The following KLRD1 variants were observed in gnomAD, a reference collection of about 807,000 sequenced individuals.
KLRD1 encodes the protein killer cell lectin like receptor D1.
KLRD1 carries 21 observed loss-of-function variants against 22.6 expected under a neutral mutation model. That is an observed-to-expected ratio of 0.93 (90% CI 0.66 to 1.34). The LOEUF is 1.34. KLRD1 is among the 40% of genes most tolerant of loss of function. The pLI is 0.00. For missense variants in KLRD1, 183 were observed against 208.6 expected (o/e 0.88, Z 0.76); for synonymous variants, 59 against 71.1 (o/e 0.83, Z 0.85).
chr12:10,282,268 T>C (rs902747105), intron 1 of KLRD1, among the ~76,000 whole-genome samples: 10 of 152,072 alleles, frequency 6.6e-5, no homozygotes, highest in Non-Finnish European at 4.4e-5. Flanking sequence ...ATTTTTTTTT[T>C]TTTTTGAGAC....
chr12:10,274,179 C>T (rs958869391), intron 1 of KLRD1, among the ~76,000 whole-genome samples: 1 of 152,054 alleles, frequency 6.6e-6, no homozygotes, highest in African/African-American at 2.4e-5. Context: ...ACTCAGGAGG[C>T]TGAGGCAGGA....
At chr12:10,267,183 A>G (rs1379976225) in intron 1 of KLRD1, among the ~76,000 whole-genome samples, 1 of 149,894 alleles carries the variant, frequency 6.7e-6, no homozygotes, top group Admixed American at 6.8e-5. Context: ...ACTTTTATGT[A>G]TAGTTTACAA....
rs1949212955 is a variant in KLRD1 at position 10,239,418 on chromosome 12, T to C, written c.-101+13185T>C. Among the ~76,000 whole-genome samples, 2 of 39,954 alleles carry C rather than the reference T, an allele frequency of 5.0e-5. 1 individual carries two copies. Among genetic ancestry groups the C allele is most frequent in the Non-Finnish European group, 1.2e-4 (2 of 16,312 alleles). 26.2% of individuals were successfully genotyped at this position (39,954 alleles called of 152,430 possible). A position where few individuals can be genotyped will look rare whatever the true frequency, so the allele number is the denominator to read the frequency against. On this transcript the variant is annotated intron_variant, in intron 1 of 5. Coordinates refer to the KLRD1 transcript ENST00000544747. The stretch of plus-strand genomic sequence containing the variant: ...CAGCAGCATTTCCTTCCTTCCTTCT[T>C]TCCATCCTTCCTTCCTTTCCTTCCT...
At chr12:10,262,446 A>G (rs545172438) in intron 1 of KLRD1, among the ~76,000 whole-genome samples, 1 of 152,240 alleles carries the variant, frequency 6.6e-6, no homozygotes, top group East Asian at 1.9e-4. Flanking sequence ...TAACTTCAAG[A>G]GAAGTCCTGA....
intron 5 of KLRD1, 115 bp from the exon 6 acceptor site, chr12:10,314,558 C>T: frequency 1.1e-6 from 1 of 875,996 alleles, no homozygotes; most frequent in Admixed American, 3.2e-5. Context: ...AAAAAGGACT[C>T]AATATGTTAG....
upstream of KLRD1, among the ~76,000 whole-genome samples, chr12:10,305,422 T>G (rs3759273): frequency 0.57 from 87,383 of 151,972 alleles, 25,664 homozygotes; most frequent in Middle Eastern, 0.69. Flanking sequence ...ATGCAATAAA[T>G]GTAGGAAAGG....
chr12:10,313,623 G>A (rs1592094034), intron 5 of KLRD1, 110 bp downstream of exon 5: 1 of 553,372 alleles, frequency 1.8e-6, no homozygotes, highest in East Asian at 3.0e-5. Context: ...CTTGTCTAGG[G>A]CATGAGAATA....
chr12:10,284,112 G>T (rs910952652), intron 1 of KLRD1, among the ~76,000 whole-genome samples: 1 of 152,032 alleles, frequency 6.6e-6, no homozygotes, highest in Non-Finnish European at 1.5e-5. Context: ...ACCTGAACTG[G>T]GAGGTGGAGG....
intron 1 of KLRD1, among the ~76,000 whole-genome samples, chr12:10,274,859 A>G (rs949963743): frequency 3.3e-5 from 5 of 152,050 alleles, no homozygotes; most frequent in African/African-American, 1.2e-4. Context: ...AATTTATACC[A>G]TGTGTCTGAT....
rs771543645 is a variant in KLRD1, at chr12:10,243,631, A to AAAAG, written c.-101+17400_-101+17401insAGAA. Among the ~76,000 whole-genome samples, 727 of 118,774 alleles carry AAAAG rather than the reference A, an allele frequency of 6.1e-3. 134 individuals are homozygous for AAAAG. The highest frequency in any genetic ancestry group is 0.029 in the African/African-American group (691 of 24,110). The allele number at this position is 118,774 out of a possible 152,430, so 77.9% of individuals were successfully genotyped here. On this transcript the variant is annotated intron_variant, in intron 1 of 5. Coordinates refer to the KLRD1 transcript ENST00000544747. ...CCAAAAAAAAAAAAAAAAAAAAAAA[A>AAAAG]AACCGAAATGAAAGATATGGAACAA...
chr12:10,307,293 A>G (rs1322104798), upstream of KLRD1, among the ~76,000 whole-genome samples: 1 of 152,206 alleles, frequency 6.6e-6, no homozygotes, highest in Non-Finnish European at 1.5e-5. Context: ...TGAGGTGTTG[A>G]AAAAAGCTTT....
At chr12:10,289,784 T>A (rs2137665365) in intron 1 of KLRD1, among the ~76,000 whole-genome samples, 1 of 152,300 alleles carries the variant, frequency 6.6e-6, no homozygotes, top group South Asian at 2.1e-4. Flanking sequence ...ATTTGTAATT[T>A]TTTTTGTGTG....
At chr12:10,259,537 G>T (rs546070699) in intron 1 of KLRD1, among the ~76,000 whole-genome samples, 4 of 152,200 alleles carry the variant, frequency 2.6e-5, no homozygotes, top group Non-Finnish European at 4.4e-5. Flanking sequence ...TTAGTTTTAT[G>T]CAATTAAAGT....
chr12:10,269,228 G>A (rs1266208115), intron 1 of KLRD1, among the ~76,000 whole-genome samples: 3 of 151,986 alleles, frequency 2.0e-5, no homozygotes, highest in Non-Finnish European at 4.4e-5. Context: ...TCGGCTCACT[G>A]CAACCTTCAC....
chr12:10,252,908 A>G (rs1488354269), intron 1 of KLRD1, among the ~76,000 whole-genome samples: 4 of 151,640 alleles, frequency 2.6e-5, no homozygotes, highest in Non-Finnish European at 5.9e-5. Context: ...TTGATTGAAC[A>G]TAGCATTACT....
In KLRD1 at chr12:10,286,320, A is replaced by T. The variant is rs74060305; in HGVS notation, c.-100-21658A>T. 9.4e-3 allele frequency among the ~76,000 whole-genome samples: 1,432 copies of T among 152,298 alleles called. 26 individuals carry two copies. The highest frequency in any genetic ancestry group is 0.033 in the African/African-American group (1,382 of 41,554). On this transcript the variant is annotated intron_variant, in intron 1 of 5. Transcript: ENST00000544747. ...ACTAATAATGAATAGCTTATGTCCT[A>T]TCTACCTCAATATGTTTCTTAATGG...
intron 1 of KLRD1, among the ~76,000 whole-genome samples, chr12:10,254,043 C>T (rs1222460742): frequency 1.3e-5 from 2 of 152,058 alleles, no homozygotes; most frequent in African/African-American, 2.4e-5. Context: ...GCAAAGATTT[C>T]GTGACAAAGA....
chr12:10,239,469 CCTTCCTTCCTTCCTT>C lies in KLRD1; in HGVS notation c.-101+13253_-101+13267del, dbSNP rs1472641944. 2.0e-4 allele frequency among the ~76,000 whole-genome samples: 24 copies of C among 122,320 alleles called. 1 individual carries two copies. The highest frequency in any genetic ancestry group is 5.8e-4 in the African/African-American group (17 of 29,334). 80.2% of individuals were successfully genotyped at this position (122,320 alleles called of 152,430 possible). A position where few individuals can be genotyped will look rare whatever the true frequency, so the allele number is the denominator to read the frequency against. ...TCCTTCCTTCCTTCCTTCCTTCCTT[CCTTCCTTCCTTCCTT>C]CTTCCTTCCTTCCTTCCTTCCCTCC... On this transcript the variant is annotated intron_variant, in intron 1 of 5. Transcript: ENST00000544747.
At chr12:10,306,333 A>G (rs541230037), upstream of KLRD1, among the ~76,000 whole-genome samples, 12 of 152,190 alleles carry the variant, frequency 7.9e-5, no homozygotes, top group South Asian at 4.1e-4. Flanking sequence ...GTAAACTTGT[A>G]TTTGTTGGAT....
Sources: allele counts gnomAD v4.1 joint callset (sites outside exome capture counted in the v4.1 genomes callset), GRCh38; gene constraint gnomAD v4.1.1; transcripts MANE v1.5; gene names NCBI Gene and HGNC (gene_info 2026-07-23, HGNC 2026-07-21).